CADPS: variants seen among roughly 807,000 people sequenced by gnomAD.
CADPS encodes calcium-dependent secretion activator 1.
CADPS carries 57 observed loss-of-function variants against 167.3 expected under a neutral mutation model. That is an observed-to-expected ratio of 0.34 (90% CI 0.28 to 0.42). CADPS has a LOEUF of 0.42. CADPS is among the 20% of genes least tolerant of loss of function. CADPS has a pLI of 1.00. For missense variants in CADPS, 1,414 were observed against 1,738.1 expected (o/e 0.81, Z 3.32); for synonymous variants, 676 against 635.3 (o/e 1.06, Z -0.96).
At chr3:62,867,526 G>C (rs1324912265) in intron 1 of CADPS, among the ~76,000 whole-genome samples, 2 of 152,048 alleles carry the variant, frequency 1.3e-5, no homozygotes, top group African/African-American at 4.8e-5. Flanking sequence ...AAAAGTGAAA[G>C]AACAGAGATG....
intron 1 of CADPS, among the ~76,000 whole-genome samples, chr3:62,832,497 A>G (rs1341070645): frequency 6.6e-6 from 1 of 152,212 alleles, no homozygotes; most frequent in African/African-American, 2.4e-5. Flanking sequence ...ACAGCATAAA[A>G]CGTGACCAGG....
rs1268592984 is a variant in CADPS, at chr3:62,492,379, T to C, written c.2795A>G (p.Asp932Gly). ...AETFLSLFAV[D>G]MDAALEVQPP... Reference sequence around the variant, plus strand: ...TTGCACCTCTAAGGCTGCATCCATGTCTACTGCAAAGAGTGACAGGAACGT... The same window carrying C: ...TTGCACCTCTAAGGCTGCATCCATGCCTACTGCAAAGAGTGACAGGAACGT... The change falls in exon 20 of 30, where the codon GAC (aspartate) becomes GGC (glycine). Residue 932 changes from aspartate (D) to glycine (G), a missense_variant. By Grantham distance (94) the Asp-to-Gly change is moderately conservative (BLOSUM62 -1). Transcript: ENST00000383710. 1 of 1,614,118 alleles carries C rather than the reference T, an allele frequency of 6.2e-7. No homozygotes were observed. The highest frequency in any genetic ancestry group is 8.5e-7 in the Non-Finnish European group (1 of 1,179,952).
At chr3:62,791,407 T>C (rs1279663435) in intron 1 of CADPS, among the ~76,000 whole-genome samples, 2 of 152,228 alleles carry the variant, frequency 1.3e-5, no homozygotes, top group Admixed American at 1.3e-4. Flanking sequence ...ATATAGAATA[T>C]GTCTCATGGA....
intron 1 of CADPS, among the ~76,000 whole-genome samples, chr3:62,821,012 G>A (rs1213540205): frequency 6.6e-6 from 1 of 151,962 alleles, no homozygotes; most frequent in Non-Finnish European, 1.5e-5. Context: ...TGTTGGCCAG[G>A]CTAATCTCAA....
intron 10 of CADPS, among the ~76,000 whole-genome samples, chr3:62,552,502 A>G (rs2077474065): frequency 6.6e-6 from 1 of 152,218 alleles, no homozygotes; most frequent in Non-Finnish European, 1.5e-5. Flanking sequence ...CTAGCTGGAA[A>G]TAATACTTCA....
intron 11 of CADPS, among the ~76,000 whole-genome samples, chr3:62,543,054 A>T (rs559762471): frequency 1.3e-5 from 2 of 152,214 alleles, no homozygotes; most frequent in Non-Finnish European, 2.9e-5. Flanking sequence ...TGTCTTACGT[A>T]GTTAACAGTG....
At chr3:62,457,110 C>G (rs2058783438) in intron 26 of CADPS, among the ~76,000 whole-genome samples, 2 of 152,150 alleles carry the variant, frequency 1.3e-5, no homozygotes, top group Admixed American at 6.5e-5. Context: ...GATTGAGTAG[C>G]TGATGCTAAC....
At chr3:62,666,940 T>C (rs575116524) in intron 3 of CADPS, among the ~76,000 whole-genome samples, 3 of 152,124 alleles carry the variant, frequency 2.0e-5, no homozygotes, top group South Asian at 2.1e-4. Flanking sequence ...ATCTGCAGAG[T>C]GGACATCATT....
chr3:62,564,070 C>T (rs754915671), intron 9 of CADPS, among the ~76,000 whole-genome samples: 45 of 151,228 alleles, frequency 3.0e-4, no homozygotes, highest in Admixed American at 9.2e-4. Context: ...GGCATGATCT[C>T]GGCTCACTGC....
chr3:62,652,443 G>A (rs2070437909), intron 4 of CADPS, among the ~76,000 whole-genome samples: 1 of 150,506 alleles, frequency 6.6e-6, no homozygotes, highest in South Asian at 2.1e-4. Context: ...TAACATATGG[G>A]CATCTGAGTC....
At chr3:62,792,200 C>CTT (rs34746949) in intron 1 of CADPS, among the ~76,000 whole-genome samples, 6 of 144,268 alleles carry the variant, frequency 4.2e-5, no homozygotes, top group Non-Finnish European at 6.1e-5. Flanking sequence ...AGGTGTTTAA[C>CTT]TTTTTTTTTT....
chr3:62,466,235 A>G, intron 25 of CADPS, 104 bp downstream of exon 25: 1 of 735,790 alleles, frequency 1.4e-6, no homozygotes, highest in Non-Finnish European at 2.3e-6. Flanking sequence ...CCTGAGAGAC[A>G]CAAGTATCCA....
intron 1 of CADPS, among the ~76,000 whole-genome samples, chr3:62,859,642 G>A (rs186176395): frequency 6.6e-6 from 1 of 152,178 alleles, no homozygotes; most frequent in Admixed American, 6.5e-5. Context: ...GTGGAAAGAA[G>A]ACAGTAGAAA....
intron 3 of CADPS, among the ~76,000 whole-genome samples, chr3:62,683,441 C>CT (rs1441861922): frequency 2.0e-5 from 3 of 151,906 alleles, no homozygotes; most frequent in Non-Finnish European, 4.4e-5. Context: ...AAGAAAGGTT[C>CT]TTTTTTGTAT....
At chr3:62,871,281 T>C (rs1407944076) in intron 1 of CADPS, among the ~76,000 whole-genome samples, 1 of 152,102 alleles carries the variant, frequency 6.6e-6, no homozygotes, top group African/African-American at 2.4e-5. Context: ...AACGACATAG[T>C]AAAGTTGATA....
intron 1 of CADPS, among the ~76,000 whole-genome samples, chr3:62,775,799 TC>T (rs368876939): frequency 1.3e-3 from 200 of 152,316 alleles, no homozygotes; most frequent in African/African-American, 4.5e-3. Flanking sequence ...AGTTACCATT[TC>T]ACTGTATAGA....
chr3:62,533,706 A>C (rs1453799959), intron 12 of CADPS, among the ~76,000 whole-genome samples: 1 of 152,182 alleles, frequency 6.6e-6, no homozygotes, highest in Non-Finnish European at 1.5e-5. Context: ...ATCTACATAC[A>C]TGCCAGGACT....
chr3:62,812,482 A>T (rs948541545), intron 1 of CADPS, among the ~76,000 whole-genome samples: 2 of 152,176 alleles, frequency 1.3e-5, no homozygotes, highest in African/African-American at 2.4e-5. Context: ...AGTTAATAAA[A>T]AAGCCATCTT....
At chr3:62,763,564 G>C (rs537938249) in intron 2 of CADPS, among the ~76,000 whole-genome samples, 1 of 152,104 alleles carries the variant, frequency 6.6e-6, no homozygotes, top group African/African-American at 2.4e-5. Context: ...ACTAAGACAG[G>C]GGCCAACAGA....
Sources: gnomAD v4.1 joint callset for allele counts (sites outside exome capture counted in the v4.1 genomes callset) on GRCh38, gnomAD v4.1.1 for gene constraint, MANE v1.5 for transcripts, NCBI Gene and HGNC (gene_info 2026-07-23, HGNC 2026-07-21) for gene names.